The following CRPPA variants were observed in gnomAD, a reference collection of about 807,000 sequenced individuals.
CRPPA encodes D-ribitol-5-phosphate cytidylyltransferase.
Under a neutral mutation model 52.0 loss-of-function variants are expected in CRPPA, and 43 were observed. The observed-to-expected ratio is 0.83, with a 90% CI of 0.65 to 1.07. CRPPA has a LOEUF of 1.07. Ranked by LOEUF, CRPPA falls within the 50% of genes least tolerant of loss-of-function variation. The pLI is 0.00. For synonymous variants in CRPPA, 250 were observed against 203.5 expected (o/e 1.23, Z -1.94); for missense variants, 629 against 551.7 (o/e 1.14, Z -1.40).
intron 8 of CRPPA, among the ~76,000 whole-genome samples, chr7:16,242,629 T>C (rs1217114498): frequency 6.6e-6 from 1 of 152,172 alleles, no homozygotes; most frequent in African/African-American, 2.4e-5. Context: ...AAAAATCACA[T>C]ATGAAAAAAG....
intron 3 of CRPPA, among the ~76,000 whole-genome samples, chr7:16,374,998 A>G (rs776218324): frequency 2.0e-5 from 3 of 152,214 alleles, no homozygotes; most frequent in Non-Finnish European, 4.4e-5. Flanking sequence ...GTTGATGTAC[A>G]GTTCTCAGTC....
At chr7:16,092,314 G>C (rs566830232) in intron 9 of CRPPA, among the ~76,000 whole-genome samples, 1 of 152,156 alleles carries the variant, frequency 6.6e-6, no homozygotes, top group Non-Finnish European at 1.5e-5. Context: ...CATATTGCCT[G>C]TAAGAATCCA....
At chr7:16,096,899 TTATGACAA>T (rs1239187176) in intron 9 of CRPPA, among the ~76,000 whole-genome samples, 3 of 152,224 alleles carry the variant, frequency 2.0e-5, no homozygotes, top group Admixed American at 6.5e-5. Flanking sequence ...GATGATGGCT[TTATGACAA>T]TATTATTTCT....
intron 3 of CRPPA, among the ~76,000 whole-genome samples, chr7:16,347,018 A>C (rs1786030075): frequency 6.6e-6 from 1 of 152,140 alleles, no homozygotes; most frequent in Admixed American, 6.5e-5. Flanking sequence ...TTACTGTTTT[A>C]TGCCATGGAG....
intron 9 of CRPPA, among the ~76,000 whole-genome samples, chr7:16,179,387 G>C (rs1352016452): frequency 1.3e-5 from 2 of 152,092 alleles, no homozygotes; most frequent in African/African-American, 4.8e-5. Context: ...AGTTTTGCAG[G>C]TATGATTAAG....
chr7:16,257,059 G>A (rs555950273), intron 8 of CRPPA, among the ~76,000 whole-genome samples: 3 of 152,074 alleles, frequency 2.0e-5, no homozygotes, highest in Non-Finnish European at 4.4e-5. Context: ...TCAGGGCCTA[G>A]CAGTGTGCTA....
rs1483625979 is a variant in CRPPA, at chr7:16,275,857, T to C, written c.933+2272A>G. Among the ~76,000 whole-genome samples the C allele has an allele frequency of 3.3e-5, 5 of 149,476 alleles. No homozygotes were observed. The East Asian group carries it at 5.9e-4, about 18-fold the overall frequency. Reference sequence around the variant, plus strand: ...CAAACAAAAAATATATATATATGAATGACAGAAAGAAAGAAAAAAAAAGAC... The same window carrying C: ...CAAACAAAAAATATATATATATGAACGACAGAAAGAAAGAAAAAAAAAGAC... On this transcript the variant is annotated intron_variant, in intron 6 of 9. Coordinates refer to ENST00000407010, the MANE Select transcript of CRPPA (RefSeq NM_001101426.4).
At chr7:16,255,484 G>A (rs1783613596) in intron 8 of CRPPA, among the ~76,000 whole-genome samples, 1 of 152,150 alleles carries the variant, frequency 6.6e-6, no homozygotes, top group African/African-American at 2.4e-5. Context: ...GCATTGCCAA[G>A]ACAATCCTAA....
intron 8 of CRPPA, among the ~76,000 whole-genome samples, chr7:16,231,164 T>C (rs951608838): frequency 6.6e-6 from 1 of 152,198 alleles, no homozygotes; most frequent in African/African-American, 2.4e-5. Context: ...GTCTCTTCCC[T>C]ATTCCATGCT....
intron 6 of CRPPA, among the ~76,000 whole-genome samples, chr7:16,260,311 T>A (rs1305221371): frequency 1.3e-5 from 2 of 152,036 alleles, no homozygotes; most frequent in Non-Finnish European, 2.9e-5. Context: ...CATCTCTCTC[T>A]CTCTGGATTA....
chr7:16,396,230 C>T (rs949021067), intron 2 of CRPPA, among the ~76,000 whole-genome samples: 3 of 152,128 alleles, frequency 2.0e-5, no homozygotes, highest in African/African-American at 7.2e-5. Flanking sequence ...AAAGCCTGAC[C>T]TGAAGTATAT....
rs1266983191 is a variant in CRPPA at position 16,340,096 on chromosome 7, G to A, written c.685-31469C>T. Among the ~76,000 whole-genome samples the A allele has an allele frequency of 2.6e-5, 4 of 152,108 alleles. No individual in the cohort carries two copies. The East Asian group carries it at 7.7e-4, about 29-fold the overall frequency. Reference sequence around the variant, plus strand: ...GAAAGACTTTACATCTTTCACCCAAGTTAACTCAAAACTGATCACAGATCT... The same window carrying A: ...GAAAGACTTTACATCTTTCACCCAAATTAACTCAAAACTGATCACAGATCT... On this transcript the variant is annotated intron_variant, in intron 3 of 9. Transcript: ENST00000407010.
Position 16,103,918 on chromosome 7 carries a change from T to C in CRPPA, c.1252-12119A>G, listed in dbSNP as rs139281727. Among the ~76,000 whole-genome samples the C allele has an allele frequency of 5.6e-3, 858 of 152,262 alleles. 15 individuals are homozygous for C. The highest frequency in any genetic ancestry group is 0.02 in the African/African-American group (821 of 41,554). ...AGATTTGTTCACATAACATTTAGTT[T>C]CAAAATTTTAAATTATAAACTTAAT... On this transcript the variant is annotated intron_variant, in intron 9 of 9. Transcript: ENST00000407010.
At chr7:16,232,185 T>C (rs760621439) in intron 8 of CRPPA, among the ~76,000 whole-genome samples, 8 of 152,146 alleles carry the variant, frequency 5.3e-5, no homozygotes, top group African/African-American at 2.4e-5. Flanking sequence ...GTTGGAAAAA[T>C]TGGCAATAGC....
At chr7:16,387,035 TAAAAA>T (rs368044666) in intron 2 of CRPPA, among the ~76,000 whole-genome samples, 2 of 91,612 alleles carry the variant, frequency 2.2e-5, no homozygotes, top group Non-Finnish European at 4.5e-5. Flanking sequence ...TAATTTAAAA[TAAAAA>T]AAAGATATAT....
At chr7:16,376,503 G>A (rs1032579124) in intron 2 of CRPPA, among the ~76,000 whole-genome samples, 5 of 151,842 alleles carry the variant, frequency 3.3e-5, no homozygotes, top group Non-Finnish European at 7.4e-5. Flanking sequence ...GGCCATTGAA[G>A]TCAACACTAA....
Position 16,088,822 on chromosome 7 carries a change from A to G in CRPPA, c.*2873T>C, listed in dbSNP as rs1758860211. 6.2e-6 allele frequency: 1 copy of G among 162,012 alleles called. No homozygotes were observed. The highest frequency in any genetic ancestry group is 5.7e-5 in the Admixed American group (1 of 17,626). 10.0% of individuals were successfully genotyped at this position (162,012 alleles called of 1,614,324 possible). ...ATGCTGGGAAGGTGGCTGGAAAGCC[A>G]AAAGCTCCAGGACTTTCACCTAGTC... On this transcript the variant is annotated 3_prime_UTR_variant, in exon 10 of 10. Transcript: ENST00000407010.
At chr7:16,135,378 T>C (rs1782744666) in intron 9 of CRPPA, among the ~76,000 whole-genome samples, 1 of 152,184 alleles carries the variant, frequency 6.6e-6, no homozygotes, top group Non-Finnish European at 1.5e-5. Context: ...TGAGCCTTTA[T>C]GCCTTATAAT....
At chr7:16,178,355 C>T (rs904913712) in intron 9 of CRPPA, among the ~76,000 whole-genome samples, 1 of 152,056 alleles carries the variant, frequency 6.6e-6, no homozygotes, top group African/African-American at 2.4e-5. Flanking sequence ...ATATGAAGTA[C>T]AGTTGTTGAG....
Sources: gnomAD v4.1 joint callset for allele counts (sites outside exome capture counted in the v4.1 genomes callset) on GRCh38, gnomAD v4.1.1 for gene constraint, MANE v1.5 for transcripts, NCBI Gene and HGNC (gene_info 2026-07-23, HGNC 2026-07-21) for gene names.